The following ASGR2 variants were observed in gnomAD, a reference collection of about 807,000 sequenced individuals.
The protein encoded by ASGR2 is C-type lectin domain family 4 member H2.
Under a neutral mutation model 32.3 loss-of-function variants are expected in ASGR2, and 34 were observed. That is an observed-to-expected ratio of 1.05 (90% confidence interval 0.80 to 1.40). The LOEUF is 1.40. Ranked by LOEUF, ASGR2 falls within the 40% of genes most tolerant of loss-of-function variation. The pLI is 0.00. For missense variants in ASGR2, 385 were observed against 386.4 expected, an observed-to-expected ratio of 1.00 and a Z score of 0.03; for synonymous variants, 143 against 150.0, an observed-to-expected ratio of 0.95 and a Z score of 0.34.
chr17:7,101,428 A>G lies in ASGR2; in HGVS notation c.*147T>C. The G allele has an allele frequency of 9.7e-7, 1 of 1,029,392 alleles. No homozygotes were observed. Among genetic ancestry groups the G allele is most frequent in the Non-Finnish European group, 1.4e-6 (1 of 731,780 alleles). 63.8% of individuals were successfully genotyped at this position (1,029,392 alleles called of 1,614,324 possible). A position where few individuals can be genotyped will look rare whatever the true frequency, so the allele number is the denominator to read the frequency against. ...GGTGGGATCTCAGTCCTCCAGGGTC[A>G]GGGACTCTTAAACTACCTCCTTTCT... On this transcript the variant is annotated 3_prime_UTR_variant, in exon 9 of 9. Coordinates refer to ENST00000691900, the MANE Select transcript of ASGR2 (RefSeq NM_001201352.2).
intron 2 of ASGR2, among the ~76,000 whole-genome samples, chr17:7,110,704 A>G (rs1914513981): frequency 6.6e-6 from 1 of 152,252 alleles, no homozygotes; most frequent in Non-Finnish European, 1.5e-5. Flanking sequence ...CAAAAGTTTG[A>G]ACATAAAAGA....
rs141886221 is a variant in ASGR2, at chr17:7,108,298, C to T, written c.337+164G>A. Among the ~76,000 whole-genome samples, 716 of 152,158 alleles carry T rather than the reference C, an allele frequency of 4.7e-3. 5 individuals carry two copies. The highest frequency in any genetic ancestry group is 0.023 in the South Asian group (112 of 4,816). Reference sequence around the variant, plus strand: ...TCCAACCTCTCCACCTGGCACTAACCTCGTCCGTCCCCACCTGCCTCCCTC... The same window carrying T: ...TCCAACCTCTCCACCTGGCACTAACTTCGTCCGTCCCCACCTGCCTCCCTC... On this transcript the variant is annotated intron_variant, in intron 4 of 8. Coordinates refer to ENST00000691900, the MANE Select transcript of ASGR2 (RefSeq NM_001201352.2). This position sits in a 1 kb window ranked among gnomAD's most constrained non-coding sequence, Gnocchi z 4.9.
chr17:7,115,123 C>A (rs1173172234), upstream of ASGR2: 3 of 642,896 alleles, frequency 4.7e-6, no homozygotes, highest in Non-Finnish European at 5.8e-6. This position sits in a 1 kb window ranked among gnomAD's most constrained non-coding sequence, Gnocchi z 4.2. Context: ...CTTGCCCAAT[C>A]CGGCATCTGA....
intron 7 of ASGR2, among the ~76,000 whole-genome samples, chr17:7,104,041 G>C (rs1913239905): frequency 1.3e-5 from 2 of 149,736 alleles, no homozygotes; most frequent in African/African-American, 5.0e-5. Context: ...GAAATGAAAA[G>C]TTTGAGCTAC....
intron 2 of ASGR2, among the ~76,000 whole-genome samples, chr17:7,110,660 T>A (rs1371674238): frequency 6.6e-6 from 1 of 152,194 alleles, no homozygotes; most frequent in Non-Finnish European, 1.5e-5. Flanking sequence ...CTCGGATAAT[T>A]AGATGAGTTA....
intron 7 of ASGR2, among the ~76,000 whole-genome samples, chr17:7,106,566 T>G (rs1032291192): frequency 1.1e-4 from 16 of 152,202 alleles, no homozygotes; most frequent in African/African-American, 3.6e-4. Flanking sequence ...ATACATATAT[T>G]CTGGCCCCTG....
intron 2 of ASGR2, among the ~76,000 whole-genome samples, chr17:7,111,463 TG>T (rs1227335718): frequency 6.6e-6 from 1 of 152,006 alleles, no homozygotes; most frequent in Non-Finnish European, 1.5e-5. Flanking sequence ...GACACCATCC[TG>T]GCTAACATGG....
Position 7,107,567 on chromosome 17 carries a change from C to A in ASGR2, c.410-250G>T. On this transcript the variant is annotated intron_variant, in intron 5 of 8. Transcript: ENST00000691900. The surrounding 1 kb of genome is among the most constrained non-coding windows in gnomAD (Gnocchi z 5.0). ...ATCACATGCGTACACACACATATAC[C>A]ATACCGCACACACACAGACTCATCT... 1.6e-6 allele frequency: 1 copy of A among 619,088 alleles called. No homozygotes were observed. The highest frequency in any genetic ancestry group is 2.9e-6 in the Non-Finnish European group (1 of 349,006). 38.3% of individuals were successfully genotyped at this position (619,088 alleles called of 1,614,324 possible).
At position 7,101,455 on chromosome 17, in the gene ASGR2, T is replaced by C; in HGVS notation, c.*120A>G. 7.4e-7 allele frequency: 1 copy of C among 1,350,942 alleles called. No homozygotes were observed. The highest frequency in any genetic ancestry group is 9.9e-7 in the Non-Finnish European group (1 of 1,010,250). 83.7% of individuals were successfully genotyped at this position (1,350,942 alleles called of 1,614,324 possible). The stretch of plus-strand genomic sequence containing the variant: ...GGACTCTTAAACTACCTCCTTTCTC[T>C]CTTTGCTCAGCTCTTCCCCATACCC... On this transcript the variant is annotated 3_prime_UTR_variant, in exon 9 of 9. Coordinates refer to ENST00000691900, the MANE Select transcript of ASGR2 (RefSeq NM_001201352.2).
At chr17:7,110,867 C>G (rs964773767) in intron 2 of ASGR2, among the ~76,000 whole-genome samples, 23 of 152,122 alleles carry the variant, frequency 1.5e-4, no homozygotes, top group African/African-American at 5.6e-4. Flanking sequence ...CAACAGGAAC[C>G]CTCCGATCAC....
rs71383461 is a variant in ASGR2 at position 7,104,348 on chromosome 17, T to TAAA, written c.649-2155_649-2153dup. Among the ~76,000 whole-genome samples, 624 of 79,748 alleles carry TAAA rather than the reference T, an allele frequency of 7.8e-3. 23 individuals are homozygous for TAAA. The highest frequency in any genetic ancestry group is 0.026 in the African/African-American group (463 of 18,028). The allele number at this position is 79,748 out of a possible 152,430, so 52.3% of individuals were successfully genotyped here. ...GGTCAAAAAGAGCAAAACTCTGTCTTAAAAAAAAAAAAAAAAAAAAAAGCC... is the reference window on the plus strand; with the variant it reads ...GGTCAAAAAGAGCAAAACTCTGTCTTAAAAAAAAAAAAAAAAAAAAAAAAAGCC... On this transcript the variant is annotated intron_variant, in intron 7 of 8. Transcript: ENST00000691900.
In ASGR2 at chr17:7,107,148, G is replaced by A. The variant is rs1330785223; in HGVS notation, c.500C>T (p.Ser167Phe). Residue 167 changes from serine (S) to phenylalanine (F), a missense_variant, in exon 7 of 9, where the codon TCC becomes TTC. By Grantham distance (155) the Ser-to-Phe change is radical (BLOSUM62 -2). Coordinates refer to ENST00000691900, the MANE Select transcript of ASGR2 (RefSeq NM_001201352.2). The surrounding 1 kb of genome is among the most constrained non-coding windows in gnomAD (Gnocchi z 5.0). ...GTTGACGGGGCAGCAGGTCCTTTGG[G>A]AGCCTGAGGGGACAGGGGGCAGGGA... ...CQMELLHSNGSQRTCCPVNWV... is the reference protein window; with the variant it reads ...CQMELLHSNGFQRTCCPVNWV... 1.2e-6 allele frequency: 2 copies of A among 1,614,156 alleles called. No homozygotes were observed. The highest frequency in any genetic ancestry group is 2.2e-5 in the South Asian group (2 of 91,074).
At position 7,113,336 on chromosome 17, in the gene ASGR2, ACT is replaced by A. The variant is rs901626434; in HGVS notation, c.124+779_124+780del. Among the ~76,000 whole-genome samples, 10 of 105,080 alleles carry A rather than the reference ACT, an allele frequency of 9.5e-5. No homozygotes were observed. Among genetic ancestry groups the A allele is most frequent in the Non-Finnish European group, 2.2e-4 (9 of 41,056 alleles). The allele number at this position is 105,080 out of a possible 152,430, so 68.9% of individuals were successfully genotyped here. On this transcript the variant is annotated intron_variant, in intron 2 of 8. Coordinates refer to ENST00000691900, the MANE Select transcript of ASGR2 (RefSeq NM_001201352.2). This position sits in a 1 kb window ranked among gnomAD's most constrained non-coding sequence, Gnocchi z 5.1. ...ATCACATACACACACTAACACACAC[ACT>A]CACGCAACACACTCACACACACAAC...
Position 7,106,157 on chromosome 17 carries a change from G to A in ASGR2, c.648+843C>T, listed in dbSNP as rs150965444. 5.9e-5 allele frequency among the ~76,000 whole-genome samples: 9 copies of A among 152,210 alleles called. No individual in the cohort carries two copies. The East Asian group carries it at 1.7e-3, about 29-fold the overall frequency. On this transcript the variant is annotated intron_variant, in intron 7 of 8. Coordinates refer to ENST00000691900, the MANE Select transcript of ASGR2 (RefSeq NM_001201352.2). ...TTTTAACTCTTGAAGAGATTGCAAT[G>A]TACAGTCAAGACTGAGAATCATTAA...
rs1456127608 is a variant in ASGR2 at position 7,102,135 on chromosome 17, C to T, written c.710G>A (p.Gly237Asp). 1.2e-6 allele frequency: 2 copies of T among 1,614,064 alleles called. No homozygotes were observed. The highest frequency in any genetic ancestry group is 1.7e-6 in the Non-Finnish European group (2 of 1,180,036). Residue 237 changes from glycine (G) to aspartate (D), a missense_variant, in exon 8 of 9, where the codon GGC becomes GAC. Physicochemically the swap from Gly to Asp is moderately conservative, Grantham distance 94. Transcript: ENST00000691900. ...TGTGCCATCCACCCATTTCCAAGAG[C>T]CATCACTGTCCGTGAGACCTATCCA... ...NTWIGLTDSDGSWKWVDGTDY... is the reference protein window; with the variant it reads ...NTWIGLTDSDDSWKWVDGTDY...
At position 7,108,249 on chromosome 17, in the gene ASGR2, T is replaced by C. The variant is rs540643619; in HGVS notation, c.337+213A>G. ...GCTCACAGGCCCAAGACATGGTGCC[T>C]TCCTCACCTCCGGGTGTCGCAGATC... On this transcript the variant is annotated intron_variant, in intron 4 of 8. Transcript: ENST00000691900. The surrounding 1 kb of genome is among the most constrained non-coding windows in gnomAD (Gnocchi z 4.9). Among the ~76,000 whole-genome samples, 1 of 152,118 alleles carries C rather than the reference T, an allele frequency of 6.6e-6. No individual in the cohort carries two copies. Among genetic ancestry groups the C allele is most frequent in the African/African-American group, 2.4e-5 (1 of 41,478 alleles).
chr17:7,105,351 T>C (rs568261575), intron 7 of ASGR2, among the ~76,000 whole-genome samples: 3 of 152,192 alleles, frequency 2.0e-5, no homozygotes, highest in South Asian at 2.1e-4. Flanking sequence ...AAGGTACTTA[T>C]TAGATTTTTA....
In ASGR2 at chr17:7,108,987, G is replaced by T; in HGVS notation, c.125-99C>A. The T allele has an allele frequency of 8.7e-7, 1 of 1,146,490 alleles. No individual in the cohort carries two copies. Among genetic ancestry groups the T allele is most frequent in the Non-Finnish European group, 1.2e-6 (1 of 833,968 alleles). 71.0% of individuals were successfully genotyped at this position (1,146,490 alleles called of 1,614,324 possible). A position where few individuals can be genotyped will look rare whatever the true frequency, so the allele number is the denominator to read the frequency against. Reference sequence around the variant, plus strand: ...CTGAGGAGGCATAACCTGGGCGGGGGGATTGGTTGGGGCCATGGGGGGGGG... The same window carrying T: ...CTGAGGAGGCATAACCTGGGCGGGGTGATTGGTTGGGGCCATGGGGGGGGG... On this transcript the variant is annotated intron_variant, in intron 2 of 8. Transcript: ENST00000691900. The surrounding 1 kb of genome is among the most constrained non-coding windows in gnomAD (Gnocchi z 4.9).
chr17:7,103,719 G>A (rs1913177980), intron 7 of ASGR2, among the ~76,000 whole-genome samples: 1 of 152,124 alleles, frequency 6.6e-6, no homozygotes, highest in Non-Finnish European at 1.5e-5. Context: ...AAAGAGAGGT[G>A]AAAAATAGAC....
Sources: gnomAD v4.1 joint callset for allele counts (sites outside exome capture counted in the v4.1 genomes callset) on GRCh38, gnomAD v4.1.1 for gene constraint, Gnocchi (gnomAD v3.1) non-coding constraint, MANE v1.5 for transcripts, NCBI Gene and HGNC (gene_info 2026-07-23, HGNC 2026-07-21) for gene names.